Variants in PCSK6 observed in about 807,000 individuals in gnomAD.
The protein encoded by PCSK6 is proprotein convertase subtilisin/kexin type 6, also known as paired basic amino acid cleaving enzyme 4.
In PCSK6, 85 loss-of-function variants were observed where a neutral mutation model predicts 123.3. The observed-to-expected ratio is 0.69, with a 90% CI of 0.58 to 0.83. The LOEUF (loss-of-function observed/expected upper bound fraction) is 0.83. PCSK6 is among the 40% of genes least tolerant of loss of function. PCSK6 has a pLI of 0.00. For synonymous variants in PCSK6, 508 were observed against 516.0 expected, an observed-to-expected ratio of 0.98 and a Z score of 0.21; for missense variants, 1,191 against 1,282.3, an observed-to-expected ratio of 0.93 and a Z score of 1.09.
intron 5 of PCSK6, 21 bp downstream of exon 5, chr15:101,429,966 A>C: frequency 2.5e-6 from 4 of 1,590,236 alleles, no homozygotes; most frequent in Non-Finnish European, 3.5e-6. Context: ...GAAGCCGGGG[A>C]GATGAGGCGA....
intron 6 of PCSK6, among the ~76,000 whole-genome samples, chr15:101,411,114 T>A (rs2055666279): frequency 6.6e-6 from 1 of 152,176 alleles, no homozygotes; most frequent in African/African-American, 2.4e-5. Context: ...ACGAGCTGTC[T>A]TGAGGCACTG....
chr15:101,398,300 C>G lies in PCSK6; in HGVS notation c.996+104G>C. 3 of 1,373,670 alleles carry G rather than the reference C, an allele frequency of 2.2e-6. No homozygotes were observed. The highest frequency in any genetic ancestry group is 3.0e-6 in the Non-Finnish European group (3 of 1,008,160). The allele number at this position is 1,373,670 out of a possible 1,614,324, so 85.1% of individuals were successfully genotyped here. ...GGCACCTGTCACAGCAGAGTCTTCC[C>G]TGTCTTGTTTCAGGGCTGTGGCCAG... is the stretch of plus-strand genomic sequence containing the variant. On this transcript the variant is annotated intron_variant, in intron 7 of 21. Coordinates refer to ENST00000611716, the MANE Select transcript of PCSK6 (RefSeq NM_002570.5). The surrounding 1 kb of genome is among the most constrained non-coding windows in gnomAD (Gnocchi z 4.6).
chr15:101,474,731 T>A (rs973029750), intron 1 of PCSK6, among the ~76,000 whole-genome samples: 2 of 152,128 alleles, frequency 1.3e-5, no homozygotes, highest in African/African-American at 4.8e-5. Context: ...CCCAGGCCAA[T>A]GGAGGCACCA....
rs180907575 is a variant in PCSK6, at chr15:101,391,915, G to T, written c.1209+1297C>A. ...CCCACATATTATTGCTCAGGGAAGAGAATTTTAAAATAAGAAAGAAAAAGC... is the reference window on the plus strand; with the variant it reads ...CCCACATATTATTGCTCAGGGAAGATAATTTTAAAATAAGAAAGAAAAAGC... On this transcript the variant is annotated intron_variant, in intron 8 of 21. Transcript: ENST00000611716. Among the ~76,000 whole-genome samples, 218 of 152,292 alleles carry T rather than the reference G, an allele frequency of 1.4e-3. 1 individual carries two copies. The highest frequency in any genetic ancestry group is 4.7e-3 in the African/African-American group (195 of 41,536).
chr15:101,353,044 C>T (rs909204591), intron 13 of PCSK6, among the ~76,000 whole-genome samples: 15 of 152,236 alleles, frequency 9.9e-5, no homozygotes, highest in East Asian at 9.6e-4. Flanking sequence ...GGGATGGTTT[C>T]GGGGTGATTC....
intron 13 of PCSK6, among the ~76,000 whole-genome samples, chr15:101,363,751 T>A (rs1235557455): frequency 6.6e-6 from 1 of 151,622 alleles, no homozygotes; most frequent in Admixed American, 6.6e-5. Context: ...TGCCTCAGCC[T>A]CCCTAAGAGC....
chr15:101,342,014 C>G (rs1327019274), intron 13 of PCSK6, among the ~76,000 whole-genome samples: 1 of 150,384 alleles, frequency 6.6e-6, no homozygotes, highest in African/African-American at 2.4e-5. Context: ...CCTGTAATCC[C>G]AGCTACTTGG....
intron 1 of PCSK6, among the ~76,000 whole-genome samples, chr15:101,467,329 A>G (rs1567243126): frequency 6.6e-6 from 1 of 151,056 alleles, no homozygotes; most frequent in South Asian, 2.1e-4. Context: ...CTGGAGTGCA[A>G]TGGCACGATC....
chr15:101,387,440 G>A (rs2042097901), intron 9 of PCSK6, among the ~76,000 whole-genome samples: 1 of 152,188 alleles, frequency 6.6e-6, no homozygotes, highest in South Asian at 2.1e-4. Context: ...GATGACCTTT[G>A]GAGTGGAGGA....
intron 1 of PCSK6, among the ~76,000 whole-genome samples, chr15:101,455,456 G>T (rs1251586676): frequency 6.6e-6 from 1 of 152,250 alleles, no homozygotes; most frequent in Non-Finnish European, 1.5e-5. Context: ...GGGACGGCCA[G>T]AGTCACCTGA....
At chr15:101,306,895 C>A (rs772284944) in intron 21 of PCSK6, among the ~76,000 whole-genome samples, 1 of 152,162 alleles carries the variant, frequency 6.6e-6, no homozygotes, top group Non-Finnish European at 1.5e-5. Flanking sequence ...TCGTCACATC[C>A]GGGCCACCGG....
chr15:101,381,880 A>G (rs1350371041), intron 11 of PCSK6, among the ~76,000 whole-genome samples: 2 of 152,232 alleles, frequency 1.3e-5, no homozygotes, highest in Non-Finnish European at 2.9e-5. Flanking sequence ...CAAAAGGGGA[A>G]GAGGCCTCAA....
chr15:101,476,156 C>G (rs533571798), intron 1 of PCSK6, among the ~76,000 whole-genome samples: 2 of 152,252 alleles, frequency 1.3e-5, no homozygotes, highest in African/African-American at 4.8e-5. Context: ...ATAATAACAC[C>G]TACCCCATAG....
chr15:101,489,006 G>C (rs1321774630), intron 1 of PCSK6, among the ~76,000 whole-genome samples: 2 of 150,230 alleles, frequency 1.3e-5, no homozygotes, highest in East Asian at 3.9e-4. Context: ...GGCGCGCGAC[G>C]CCTGAGGCAG....
chr15:101,439,150 G>C (rs145539694), intron 2 of PCSK6, among the ~76,000 whole-genome samples: 2 of 152,336 alleles, frequency 1.3e-5, no homozygotes, highest in Non-Finnish European at 2.9e-5. Flanking sequence ...GGACATGGCA[G>C]GGCCAGGTTG....
intron 1 of PCSK6, among the ~76,000 whole-genome samples, chr15:101,462,424 C>G (rs2057360185): frequency 6.6e-6 from 1 of 152,158 alleles, no homozygotes; most frequent in African/African-American, 2.4e-5. Flanking sequence ...TGGAACTTGT[C>G]AAGTTGATTC....
chr15:101,429,896 C>G (rs1322208710), intron 5 of PCSK6, 91 bp downstream of exon 5: 1 of 1,133,650 alleles, frequency 8.8e-7, no homozygotes, highest in East Asian at 2.4e-5. Context: ...CGCCGGCAGC[C>G]ACCGCCTCTC....
chr15:101,452,415 C>G (rs1178547097), intron 1 of PCSK6, among the ~76,000 whole-genome samples: 2 of 152,154 alleles, frequency 1.3e-5, no homozygotes, highest in Admixed American at 1.3e-4. Context: ...GTTGTTTTAC[C>G]GGATTCCTAA....
intron 13 of PCSK6, among the ~76,000 whole-genome samples, chr15:101,339,161 G>T (rs1206555296): frequency 6.6e-6 from 1 of 152,140 alleles, no homozygotes; most frequent in Non-Finnish European, 1.5e-5. Context: ...GTAGGGGTGG[G>T]GGAAAGTTCT....
Sources: gnomAD v4.1 joint callset for allele counts (sites outside exome capture counted in the v4.1 genomes callset) on GRCh38, gnomAD v4.1.1 for gene constraint, Gnocchi (gnomAD v3.1) non-coding constraint, MANE v1.5 for transcripts, NCBI Gene and HGNC (gene_info 2026-07-23, HGNC 2026-07-21) for gene names.